The following FLII variants were observed in gnomAD, a reference collection of about 807,000 sequenced individuals.
FLII encodes the protein protein flightless-1 homolog.
In FLII, 101 loss-of-function variants were observed where a neutral mutation model predicts 156.2. The observed-to-expected ratio is 0.65, with a 90% CI of 0.55 to 0.76. The LOEUF is 0.76. Ranked by LOEUF, FLII falls within the 30% of genes least tolerant of loss-of-function variation. The pLI is 0.00. For missense variants in FLII, 1,675 were observed against 1,682.8 expected (o/e 1.00, Z 0.08); for synonymous variants, 767 against 685.8 (o/e 1.12, Z -1.85).
intron 9 of FLII, 23 bp downstream of exon 9, chr17:18,253,278 C>T: frequency 6.2e-7 from 1 of 1,613,204 alleles, no homozygotes; most frequent in Non-Finnish European, 8.5e-7. Flanking sequence ...AGTGCCTCTG[C>T]TAGCCCCAGC....
Position 18,246,786 on chromosome 17 carries a change from T to C in FLII, c.2859A>G (p.Glu953=). 1 of 1,614,052 alleles carries C rather than the reference T, an allele frequency of 6.2e-7. No individual in the cohort carries two copies. The highest frequency in any genetic ancestry group is 2.2e-5 in the East Asian group (1 of 44,858). The part of the protein sequence containing the change: ...PVEYEEEEKK[E]DKEEKAEGKE... ...TGCCCTCGGCCTTCTCCTCCTTGTCTTCCTTCTTTTCCTCCTCCTCGTACT... is the reference window on the plus strand; with the variant it reads ...TGCCCTCGGCCTTCTCCTCCTTGTCCTCCTTCTTTTCCTCCTCCTCGTACT... The change falls in exon 23 of 30, where the codon GAA becomes GAG. Residue 953 remains glutamate, a synonymous_variant. Transcript: ENST00000327031.
rs1210508342 is a variant in FLII at position 18,247,779 on chromosome 17, C to G, written c.2365G>C (p.Gly789Arg). 1.2e-6 allele frequency: 2 copies of G among 1,610,592 alleles called. No homozygotes were observed. The highest frequency in any genetic ancestry group is 2.2e-5 in the South Asian group (2 of 91,076). The change falls in exon 20 of 30, where the codon GGC (glycine) becomes CGC (arginine). Residue 789 changes from glycine (G) to arginine (R), a missense_variant. Around this residue, in one of 2 missense-constraint regions of FLII, gnomAD observed 1,332 missense variants for 1,269.3 expected, o/e 1.05. Transcript: ENST00000327031. The part of the protein sequence containing the change: ...DCWSDVFIWL[G>R]RKSPRLVRAA... ...CGCACCAGGCGCGGGGACTTGCGGC[C>G]GAGCCAGATGAACACGTCGGACCAA...
chr17:18,258,239 C>T lies in FLII; in HGVS notation c.63+389G>A, dbSNP rs961317463. ...AGTGATGAGTCGGCTCCACACCCGC[C>T]CCTGGGCAGCCGGGCAGCCATCCCT... On this transcript the variant is annotated intron_variant, in intron 1 of 29. Coordinates refer to ENST00000327031, the MANE Select transcript of FLII (RefSeq NM_002018.4). This position sits in a 1 kb window ranked among gnomAD's most constrained non-coding sequence, Gnocchi z 4.2. Among the ~76,000 whole-genome samples the T allele has an allele frequency of 6.6e-6, 1 of 152,238 alleles. No homozygotes were observed. The highest frequency in any genetic ancestry group is 2.1e-4 in the South Asian group (1 of 4,836).
In FLII at chr17:18,258,710, G is replaced by A; in HGVS notation, c.-20C>T. On this transcript the variant is annotated 5_prime_UTR_variant, in exon 1 of 30. Coordinates refer to ENST00000327031, the MANE Select transcript of FLII (RefSeq NM_002018.4). The surrounding 1 kb of genome is among the most constrained non-coding windows in gnomAD (Gnocchi z 4.2). Reference sequence around the variant, plus strand: ...CTCCATGGCGCCGCTCTCGCTGCCGGGCCGCGCCGGGCTAGGGAGCGCCGG... The same window carrying A: ...CTCCATGGCGCCGCTCTCGCTGCCGAGCCGCGCCGGGCTAGGGAGCGCCGG... 1 of 1,454,870 alleles carries A rather than the reference G, an allele frequency of 6.9e-7. No individual in the cohort carries two copies. The highest frequency in any genetic ancestry group is 9.0e-7 in the Non-Finnish European group (1 of 1,108,916). 90.1% of individuals were successfully genotyped at this position (1,454,870 alleles called of 1,614,324 possible).
chr17:18,257,940 G>A (rs2048475554), intron 1 of FLII, among the ~76,000 whole-genome samples: 1 of 152,100 alleles, frequency 6.6e-6, no homozygotes, highest in African/African-American at 2.4e-5. Flanking sequence ...TTGAGTCCTG[G>A]AACCACCCCG....
chr17:18,251,082 A>G (rs2048252186), intron 13 of FLII, 65 bp from the exon 14 acceptor site: 2 of 1,534,064 alleles, frequency 1.3e-6, no homozygotes, highest in Non-Finnish European at 1.8e-6. Flanking sequence ...CGGAGACGCC[A>G]CTCTGAACAG....
chr17:18,252,474 C>T lies in FLII; in HGVS notation c.1096G>A (p.Glu366Lys), dbSNP rs1412657424. ...PEAIHFLTEI[E>K]VLDVRENPNL... ...CTCTCAAACCCAGCATGCCTGACCTCGATCTCCGTCAGGAAATGGATGGCT... is the reference window on the plus strand; with the variant it reads ...CTCTCAAACCCAGCATGCCTGACCTTGATCTCCGTCAGGAAATGGATGGCT... The change falls in exon 10 of 30, where the codon GAG becomes AAG. Residue 366 changes from glutamate (E) to lysine (K), a missense_variant and splice_region_variant. Glu to Lys is a moderately conservative substitution (Grantham distance 56). This residue lies in a region of FLII where 1,332 missense variants were observed against 1,269.3 expected (regional missense o/e 1.05). Coordinates refer to ENST00000327031, the MANE Select transcript of FLII (RefSeq NM_002018.4). 5.6e-6 allele frequency: 9 copies of T among 1,613,264 alleles called. No individual in the cohort carries two copies. Among genetic ancestry groups the T allele is most frequent in the Non-Finnish European group, 7.6e-6 (9 of 1,179,674 alleles).
rs1266809991 is a variant in FLII, at chr17:18,253,448, C to G, written c.866G>C (p.Cys289Ser). ...NQLTSLPSAI[C>S]KLSKLKKLYL... Reference sequence around the variant, plus strand: ...CAGCTTCTTCAGCTTGCTCAGCTTGCAAATGGCTGACTGGAGGGGGAACGG... The same window carrying G: ...CAGCTTCTTCAGCTTGCTCAGCTTGGAAATGGCTGACTGGAGGGGGAACGG... The change falls in exon 9 of 30, where the codon TGC (cysteine) becomes TCC (serine). Residue 289 changes from cysteine to serine, a missense_variant. Around this residue, in one of 2 missense-constraint regions of FLII, gnomAD observed 343 missense variants for 413.5 expected, o/e 0.83. Coordinates refer to ENST00000327031, the MANE Select transcript of FLII (RefSeq NM_002018.4). The G allele has an allele frequency of 6.2e-7, 1 of 1,613,734 alleles. No homozygotes were observed. The highest frequency in any genetic ancestry group is 8.5e-7 in the Non-Finnish European group (1 of 1,180,040).
Position 18,253,372 on chromosome 17 carries a change from G to C in FLII, c.942C>G (p.Gly314=). The C allele has an allele frequency of 6.2e-7, 1 of 1,613,954 alleles. No homozygotes were observed. The highest frequency in any genetic ancestry group is 1.1e-5 in the South Asian group (1 of 91,082). ...TGAACTCTTCCAGGTTGGTGAGCTT[G>C]CCAATGCCTGAGGGCAGCCCGTCAA... ...LDFDGLPSGI[G]KLTNLEEFMA... The change falls in exon 9 of 30, where the codon GGC becomes GGG. Residue 314 remains glycine, a synonymous_variant. Transcript: ENST00000327031.
In FLII at chr17:18,246,081, T is replaced by C. The variant is rs1482035833; in HGVS notation, c.3268-19A>G. 6.2e-7 allele frequency: 1 copy of C among 1,613,852 alleles called. No individual in the cohort carries two copies. Among genetic ancestry groups the C allele is most frequent in the East Asian group, 2.2e-5 (1 of 44,846 alleles). On this transcript the variant is annotated intron_variant, in intron 25 of 29. Transcript: ENST00000327031. ...AGGGAACCTGGGGAGTGTGCAGGGG[T>C]GGGGGTGTTCGCAGCTGACTCAGCC...
In FLII at chr17:18,258,126, G is replaced by T. The variant is rs2142884085; in HGVS notation, c.63+502C>A. 6.6e-6 allele frequency among the ~76,000 whole-genome samples: 1 copy of T among 152,364 alleles called. No homozygotes were observed. ...AGGAGACTTTTAAGCCCCTTCACCG[G>T]CTGAGAAAGCCTAGGCTCTGAGAGG... On this transcript the variant is annotated intron_variant, in intron 1 of 29. Transcript: ENST00000327031. This position sits in a 1 kb window ranked among gnomAD's most constrained non-coding sequence, Gnocchi z 4.2.
At position 18,253,338 on chromosome 17, in the gene FLII, T is replaced by C; in HGVS notation, c.976A>G (p.Asn326Asp). The C allele has an allele frequency of 1.2e-6, 2 of 1,613,932 alleles. No individual in the cohort carries two copies. The highest frequency in any genetic ancestry group is 1.7e-6 in the Non-Finnish European group (2 of 1,180,026). Residue 326 changes from asparagine to aspartate, a missense_variant, in exon 9 of 30, where the codon AAC (asparagine) becomes GAC (aspartate). This residue lies in a region of FLII where 1,332 missense variants were observed against 1,269.3 expected (regional missense o/e 1.05). Coordinates refer to ENST00000327031, the MANE Select transcript of FLII (RefSeq NM_002018.4). ...LTNLEEFMAA[N>D]NNLELVPESL... is the part of the protein sequence containing the mutation. ...TCAGGGACCAGCTCCAGGTTGTTGT[T>C]GGCAGCCATGAACTCTTCCAGGTTG...
chr17:18,248,048 G>T lies in FLII; in HGVS notation c.2191-15C>A. 1 of 1,578,828 alleles carries T rather than the reference G, an allele frequency of 6.3e-7. No homozygotes were observed. Among genetic ancestry groups the T allele is most frequent in the South Asian group, 1.1e-5 (1 of 90,238 alleles). On this transcript the variant is annotated splice_polypyrimidine_tract_variant and intron_variant, in intron 18 of 29. Coordinates refer to ENST00000327031, the MANE Select transcript of FLII (RefSeq NM_002018.4). ...CCCAGGCCCACCTGGCAGGAAGGAT[G>T]AGCATGGCAGGGAAGGGATCTGGAG...
In FLII at chr17:18,253,726, T is replaced by A; in HGVS notation, c.680-7A>T. ...TTGCAGGACAGATCCACGTCTGGGG[T>A]GCAGGGTGGGGTGCATCAGCTGGGG... is the stretch of plus-strand genomic sequence containing the variant. On this transcript the variant is annotated splice_region_variant and splice_polypyrimidine_tract_variant and intron_variant, in intron 7 of 29. Transcript: ENST00000327031. 2 of 1,598,936 alleles carry A rather than the reference T, an allele frequency of 1.3e-6. No homozygotes were observed. The highest frequency in any genetic ancestry group is 1.7e-6 in the Non-Finnish European group (2 of 1,171,542).
At chr17:18,251,590 C>A (rs1567713179) in intron 12 of FLII, 90 bp downstream of exon 12, 1 of 1,589,648 alleles carries the variant, frequency 6.3e-7, no homozygotes, top group Non-Finnish European at 8.6e-7. Flanking sequence ...GCCCAGCACC[C>A]CCCGTCCCTC....
At chr17:18,255,580 G>A (rs2048390451) in intron 3 of FLII, among the ~76,000 whole-genome samples, 1 of 152,092 alleles carries the variant, frequency 6.6e-6, no homozygotes, top group Non-Finnish European at 1.5e-5. Flanking sequence ...TCTGAGTCAG[G>A]GTTTTCAGAA....
chr17:18,254,630 GGTATA>G lies in FLII; in HGVS notation c.461_465del (p.Leu154ProfsTer79). The stretch of plus-strand genomic sequence containing the variant: ...TCCAGGCGGTTCTCGCTGAGGTCCA[GGTATA>G]GTAGGTCAGTGAGGTTGATGAAGAG... On this transcript the variant is annotated frameshift_variant, in exon 6 of 30. Transcript: ENST00000327031. LOFTEE classifies it high-confidence loss of function. The G allele has an allele frequency of 6.2e-7, 1 of 1,614,044 alleles. No individual in the cohort carries two copies. Among genetic ancestry groups the G allele is most frequent in the Non-Finnish European group, 8.5e-7 (1 of 1,179,976 alleles).
Position 18,247,262 on chromosome 17 carries a change from C to T in FLII, c.2583G>A (p.Gly861=). ...TCTTCTCGGCGTCGCGTTTCACCTT[C>T]CCGGAGAGACCCGGGCTCTGCAGCA... ...EAVLQSPGLS[G]KVKRDAEKKD... Residue 861 remains glycine (G), a synonymous_variant, in exon 21 of 30, where the codon GGG becomes GGA. Transcript: ENST00000327031. 2.5e-6 allele frequency: 4 copies of T among 1,611,430 alleles called. No individual in the cohort carries two copies. The highest frequency in any genetic ancestry group is 2.5e-6 in the Non-Finnish European group (3 of 1,179,712).
intron 20 of FLII, 51 bp from the exon 21 acceptor site, chr17:18,247,408 TG>T (rs1288758462): frequency 2.0e-5 from 31 of 1,516,152 alleles, no homozygotes; most frequent in Non-Finnish European, 2.8e-5. Flanking sequence ...TGATTAGAGT[TG>T]GAGGAAGTAG....
Sources: allele counts gnomAD v4.1 joint callset (sites outside exome capture counted in the v4.1 genomes callset), GRCh38; gene constraint gnomAD v4.1.1; regional missense constraint gnomAD v4.1.1; non-coding constraint Gnocchi (gnomAD v3.1); transcripts MANE v1.5; gene names NCBI Gene and HGNC (gene_info 2026-07-23, HGNC 2026-07-21).